CPNE8: variants seen among roughly 807,000 people sequenced by gnomAD.
CPNE8 encodes the protein copine 8, also known as copine-8.
Under a neutral mutation model 81.5 loss-of-function variants are expected in CPNE8, and 45 were observed. The ratio of observed to expected loss-of-function variants is 0.55; its 90% confidence interval spans 0.44 to 0.71. The LOEUF (loss-of-function observed/expected upper bound fraction) is 0.71. CPNE8 is among the 30% of genes least tolerant of loss of function. CPNE8 has a pLI of 0.00. For synonymous variants in CPNE8, 252 were observed against 226.3 expected, an observed-to-expected ratio of 1.11 and a Z score of -1.02; for missense variants, 594 against 672.1, an observed-to-expected ratio of 0.88 and a Z score of 1.28.
At chr12:38,797,611 G>A (rs1942524487) in intron 6 of CPNE8, among the ~76,000 whole-genome samples, 1 of 152,132 alleles carries the variant, frequency 6.6e-6, no homozygotes, top group Non-Finnish European at 1.5e-5. Context: ...AAACAGAGCA[G>A]AAAAACTGGA....
intron 18 of CPNE8, among the ~76,000 whole-genome samples, chr12:38,674,411 A>T (rs922645251): frequency 2.6e-5 from 4 of 152,176 alleles, no homozygotes; most frequent in Non-Finnish European, 5.9e-5. Flanking sequence ...AGCAAATAGT[A>T]GCCAAAGAAG....
At chr12:38,791,202 C>T (rs886507906) in intron 6 of CPNE8, among the ~76,000 whole-genome samples, 2 of 151,554 alleles carry the variant, frequency 1.3e-5, no homozygotes, top group African/African-American at 4.8e-5. Flanking sequence ...CTTAAGGAGT[C>T]ACTTGAACTC....
At chr12:38,741,884 A>T (rs1467430813) in intron 10 of CPNE8, among the ~76,000 whole-genome samples, 1 of 152,236 alleles carries the variant, frequency 6.6e-6, no homozygotes. Flanking sequence ...GACACTTCTC[A>T]AAAGGAAACA....
In CPNE8 at chr12:38,653,617, T is replaced by TAAAA. The variant is rs59710225; in HGVS notation, c.*261_*264dup. On this transcript the variant is annotated 3_prime_UTR_variant, in exon 20 of 20. Coordinates refer to ENST00000331366, the MANE Select transcript of CPNE8 (RefSeq NM_153634.3). ...TACATTGGAAATTAGCTGTTTCTGT[T>TAAAA]AAAAAAAAAAAGAAAGAAAGATTTA... is the stretch of plus-strand genomic sequence containing the variant. 7 of 148,538 alleles carry TAAAA rather than the reference T, an allele frequency of 4.7e-5. No homozygotes were observed. Among genetic ancestry groups the TAAAA allele is most frequent in the Non-Finnish European group, 5.7e-5 (4 of 69,786 alleles). 9.2% of individuals were successfully genotyped at this position (148,538 alleles called of 1,614,324 possible).
chr12:38,867,339 TGAGAGAGAGA>T (rs367740036), intron 3 of CPNE8, among the ~76,000 whole-genome samples: 4 of 122,000 alleles, frequency 3.3e-5, no homozygotes, highest in Admixed American at 8.7e-5. Flanking sequence ...TGTGTGTGTG[TGAGAGAGAGA>T]GAGAGAGAGA....
At chr12:38,704,820 G>GTATGTGTACATA in intron 13 of CPNE8, among the ~76,000 whole-genome samples, 1 of 52,038 alleles carries the variant, frequency 1.9e-5, no homozygotes, top group Non-Finnish European at 4.3e-5. Context: ...GTGTGTGTAT[G>GTATGTGTACATA]TATGTGTATA....
chr12:38,691,439 T>C (rs532542908), intron 15 of CPNE8, among the ~76,000 whole-genome samples: 1 of 152,324 alleles, frequency 6.6e-6, no homozygotes, highest in African/African-American at 2.4e-5. Context: ...ACTCAGTAAA[T>C]ACTCAGCATT....
At chr12:38,902,232 GGAAA>G (rs71449477) in intron 1 of CPNE8, among the ~76,000 whole-genome samples, 14,293 of 89,394 alleles carry the variant, frequency 0.16, 1,367 homozygotes, top group East Asian at 0.46. Flanking sequence ...AGAGAAAGAA[GGAAA>G]GAAAGAAAGA....
At chr12:38,667,653 A>G (rs1939087627) in intron 19 of CPNE8, among the ~76,000 whole-genome samples, 1 of 152,184 alleles carries the variant, frequency 6.6e-6, no homozygotes, top group Non-Finnish European at 1.5e-5. Context: ...TGTTCAGTAA[A>G]TGTTAAGACC....
chr12:38,861,762 G>GA (rs1233467984), intron 3 of CPNE8, among the ~76,000 whole-genome samples: 1 of 152,064 alleles, frequency 6.6e-6, no homozygotes, highest in Non-Finnish European at 1.5e-5. Flanking sequence ...CAACATGCAA[G>GA]AACTAGGGAA....
chr12:38,802,674 G>T (rs1942701025), intron 6 of CPNE8, among the ~76,000 whole-genome samples: 1 of 151,904 alleles, frequency 6.6e-6, no homozygotes, highest in Non-Finnish European at 1.5e-5. Flanking sequence ...AGAACTGAAG[G>T]AAATAGAGAC....
chr12:38,778,727 C>T lies in CPNE8; in HGVS notation c.408-2426G>A, dbSNP rs531319058. 2.0e-5 allele frequency among the ~76,000 whole-genome samples: 3 copies of T among 152,224 alleles called. No homozygotes were observed. In the East Asian group the frequency reaches 5.8e-4, roughly 29 times the overall value. ...AACTGTTAAAAGGACAAATTGTTAACCTTTCTTTTCTCAAGTTGATTATGC... is the reference window on the plus strand; with the variant it reads ...AACTGTTAAAAGGACAAATTGTTAATCTTTCTTTTCTCAAGTTGATTATGC... On this transcript the variant is annotated intron_variant, in intron 6 of 19. Transcript: ENST00000331366.
chr12:38,791,259 C>T (rs996402282), intron 6 of CPNE8, among the ~76,000 whole-genome samples: 8 of 151,620 alleles, frequency 5.3e-5, no homozygotes, highest in Non-Finnish European at 1.0e-4. Context: ...AATATTTACC[C>T]TACCACCTAC....
chr12:38,668,213 A>G (rs1339006339), intron 19 of CPNE8, among the ~76,000 whole-genome samples: 2 of 152,180 alleles, frequency 1.3e-5, no homozygotes, highest in Non-Finnish European at 2.9e-5. Flanking sequence ...TCACAACATC[A>G]TGGGAGGGGC....
At chr12:38,712,086 T>A (rs561747972) in intron 13 of CPNE8, among the ~76,000 whole-genome samples, 1 of 152,054 alleles carries the variant, frequency 6.6e-6, no homozygotes, top group African/African-American at 2.4e-5. Flanking sequence ...TCTAGACATG[T>A]ATATTCCATT....
intron 3 of CPNE8, among the ~76,000 whole-genome samples, chr12:38,850,684 A>G (rs891614197): frequency 6.6e-6 from 1 of 152,142 alleles, no homozygotes; most frequent in African/African-American, 2.4e-5. Context: ...TCTCAGCAGC[A>G]TGTGACACAG....
intron 6 of CPNE8, among the ~76,000 whole-genome samples, chr12:38,807,851 C>T (rs1467451258): frequency 6.6e-6 from 1 of 151,906 alleles, no homozygotes; most frequent in Non-Finnish European, 1.5e-5. Context: ...GCAACCTACT[C>T]ATCTGAAAAA....
intron 6 of CPNE8, among the ~76,000 whole-genome samples, chr12:38,792,179 T>TA (rs996506521): frequency 2.0e-5 from 3 of 149,334 alleles, no homozygotes; most frequent in Non-Finnish European, 4.5e-5. Flanking sequence ...AAAGAACAAA[T>TA]AAAAACAAGA....
chr12:38,670,743 T>C lies in CPNE8; in HGVS notation c.1492A>G (p.Arg498Gly). ...TTATTTCTTACCTGCACAATGTCTCTTTCAGCATATTTTCCTCTAGAGGAG... is the reference window on the plus strand; with the variant it reads ...TTATTTCTTACCTGCACAATGTCTCCTTCAGCATATTTTCCTCTAGAGGAG... ...RVSSRGKYAE[R>G]DIVQFVPFRD... Residue 498 changes from arginine to glycine, a missense_variant, in exon 19 of 20, where the codon AGA becomes GGA. Arg to Gly is a moderately radical substitution (Grantham distance 125). Coordinates refer to ENST00000331366, the MANE Select transcript of CPNE8 (RefSeq NM_153634.3). The C allele has an allele frequency of 6.2e-7, 1 of 1,607,908 alleles. No individual in the cohort carries two copies. Among genetic ancestry groups the C allele is most frequent in the Non-Finnish European group, 8.5e-7 (1 of 1,176,068 alleles).
Sources: allele counts gnomAD v4.1 joint callset (sites outside exome capture counted in the v4.1 genomes callset), GRCh38; gene constraint gnomAD v4.1.1; transcripts MANE v1.5; gene names NCBI Gene and HGNC (gene_info 2026-07-23, HGNC 2026-07-21).